The following FRMD5 variants were observed in gnomAD, a reference collection of about 807,000 sequenced individuals.
FRMD5 encodes the protein FERM domain containing 5.
FRMD5 carries 20 observed loss-of-function variants against 69.0 expected under a neutral mutation model. The ratio of observed to expected loss-of-function variants is 0.29; its 90% CI spans 0.20 to 0.42. FRMD5 has a LOEUF of 0.42. Among genes scored for constraint, FRMD5 ranks in the 10% least tolerant of loss-of-function variants. FRMD5 has a pLI of 1.00. For missense variants in FRMD5, 595 were observed against 708.6 expected, an observed-to-expected ratio of 0.84 and a Z score of 1.82; for synonymous variants, 271 against 260.1, an observed-to-expected ratio of 1.04 and a Z score of -0.40.
chr15:43,936,627 G>A (rs2089766249), intron 1 of FRMD5, among the ~76,000 whole-genome samples: 2 of 152,040 alleles, frequency 1.3e-5, no homozygotes, highest in African/African-American at 4.8e-5. Flanking sequence ...ACTGGGGTAA[G>A]GGTATTCCTG....
At chr15:43,895,683 A>G (rs999756976) in intron 7 of FRMD5, among the ~76,000 whole-genome samples, 1 of 152,248 alleles carries the variant, frequency 6.6e-6, no homozygotes, top group Non-Finnish European at 1.5e-5. Context: ...GATGCAGATG[A>G]AGGCCACCGC....
At chr15:43,878,443 G>GT (rs1001160724) in intron 13 of FRMD5, among the ~76,000 whole-genome samples, 9 of 152,150 alleles carry the variant, frequency 5.9e-5, no homozygotes, top group Non-Finnish European at 1.3e-4. Flanking sequence ...TCGAGAAACT[G>GT]TTTTGAAATA....
chr15:43,981,313 GA>G (rs140030764), intron 1 of FRMD5, among the ~76,000 whole-genome samples: 7,460 of 151,214 alleles, frequency 0.049, 520 homozygotes, highest in African/African-American at 0.16. Flanking sequence ...ATAAATTAGA[GA>G]AAAAAAAATT....
intron 1 of FRMD5, among the ~76,000 whole-genome samples, chr15:44,110,719 G>C (rs1024932112): frequency 6.6e-6 from 1 of 152,268 alleles, no homozygotes; most frequent in South Asian, 2.1e-4. Flanking sequence ...TCAAAGGTTA[G>C]CATTTTCTAA....
At chr15:43,954,576 G>A (rs977799335) in intron 1 of FRMD5, among the ~76,000 whole-genome samples, 1 of 152,318 alleles carries the variant, frequency 6.6e-6, no homozygotes, top group South Asian at 2.1e-4. Context: ...TGTGTGCGAG[G>A]GGAAAGGGGT....
intron 1 of FRMD5, among the ~76,000 whole-genome samples, chr15:44,148,057 T>C (rs1415167947): frequency 1.3e-5 from 2 of 152,220 alleles, no homozygotes; most frequent in Non-Finnish European, 2.9e-5. Context: ...ATTTCTTTAA[T>C]CCAGCATTTC....
chr15:44,007,120 T>C (rs1890487514), intron 1 of FRMD5, among the ~76,000 whole-genome samples: 1 of 152,094 alleles, frequency 6.6e-6, no homozygotes, highest in South Asian at 2.1e-4. Context: ...AGGCAGGACC[T>C]TCCACCAGCC....
chr15:44,167,054 TCTA>T (rs1476999571), intron 1 of FRMD5, among the ~76,000 whole-genome samples: 8 of 152,158 alleles, frequency 5.3e-5, no homozygotes, highest in Admixed American at 3.3e-4. Flanking sequence ...GACTTCTATT[TCTA>T]CCAATTAGAC....
chr15:44,093,954 C>T lies in FRMD5; in HGVS notation c.102+100999G>A, dbSNP rs542485355. On this transcript the variant is annotated intron_variant, in intron 1 of 13. Coordinates refer to ENST00000417257, the MANE Select transcript of FRMD5 (RefSeq NM_032892.5). The stretch of plus-strand genomic sequence containing the variant: ...GTCTTCACCATTATATATCATAATA[C>T]TTGCATTTTTGGGGTGAATGAATCA... Among the ~76,000 whole-genome samples, 7 of 152,176 alleles carry T rather than the reference C, an allele frequency of 4.6e-5. No homozygotes were observed. The South Asian group carries it at 1.5e-3, about 32-fold the overall frequency.
chr15:44,099,000 C>A (rs1312219188), intron 1 of FRMD5, among the ~76,000 whole-genome samples: 2 of 152,134 alleles, frequency 1.3e-5, no homozygotes, highest in Non-Finnish European at 1.5e-5. Flanking sequence ...ATCAAAAACA[C>A]GACAACATTA....
At chr15:43,876,327 G>A in intron 13 of FRMD5, 1 of 972,184 alleles carries the variant, frequency 1.0e-6, no homozygotes, top group South Asian at 1.4e-5. Context: ...AACTACCCCT[G>A]ATGCAGAGCT....
chr15:43,972,956 A>G (rs1463000809), intron 1 of FRMD5, among the ~76,000 whole-genome samples: 1 of 152,196 alleles, frequency 6.6e-6, no homozygotes, highest in African/African-American at 2.4e-5. Flanking sequence ...CAGGCCGAAT[A>G]TCTAATTCTT....
chr15:44,040,674 A>T (rs942743012), intron 1 of FRMD5, among the ~76,000 whole-genome samples: 13 of 152,134 alleles, frequency 8.5e-5, no homozygotes, highest in Non-Finnish European at 2.9e-5. Flanking sequence ...AACACTAAAC[A>T]TGGAAAGGAA....
chr15:44,085,244 T>C (rs1894149632), intron 1 of FRMD5, among the ~76,000 whole-genome samples: 1 of 152,096 alleles, frequency 6.6e-6, no homozygotes, highest in African/African-American at 2.4e-5. Context: ...AAAGATACAC[T>C]GAACTCACTT....
intron 13 of FRMD5, among the ~76,000 whole-genome samples, chr15:43,881,402 G>T (rs1045920381): frequency 1.2e-4 from 18 of 152,200 alleles, no homozygotes; most frequent in Admixed American, 1.2e-3. Context: ...AGCCTAAGAT[G>T]GGAGGAAACA....
chr15:44,082,478 A>G (rs1340025583), intron 1 of FRMD5, among the ~76,000 whole-genome samples: 2 of 151,992 alleles, frequency 1.3e-5, no homozygotes, highest in Non-Finnish European at 2.9e-5. Flanking sequence ...TGACAGCCAA[A>G]TATGCTGTTT....
intron 1 of FRMD5, among the ~76,000 whole-genome samples, chr15:44,052,590 G>C (rs938553754): frequency 6.6e-6 from 1 of 151,284 alleles, no homozygotes; most frequent in African/African-American, 2.5e-5. Flanking sequence ...GACACCCTGA[G>C]ATAGTGCCTA....
At chr15:43,934,783 C>G (rs1233104603) in intron 1 of FRMD5, among the ~76,000 whole-genome samples, 1 of 152,222 alleles carries the variant, frequency 6.6e-6, no homozygotes, top group Non-Finnish European at 1.5e-5. Flanking sequence ...TAATACCAGC[C>G]TCTGTCCTTC....
chr15:44,122,724 C>A (rs2059626), intron 1 of FRMD5, among the ~76,000 whole-genome samples: 125,816 of 151,956 alleles, frequency 0.83, 54,745 homozygotes, highest in Non-Finnish European at 0.95. Context: ...CACGGTGAAA[C>A]CCCGTCTCTA....
Sources: allele counts gnomAD v4.1 joint callset (sites outside exome capture counted in the v4.1 genomes callset), GRCh38; gene constraint gnomAD v4.1.1; transcripts MANE v1.5; gene names NCBI Gene and HGNC (gene_info 2026-07-23, HGNC 2026-07-21).